Variants in ZNF217 observed in about 807,000 individuals in gnomAD.
ZNF217 encodes zinc finger protein 217.
ZNF217 carries 12 observed loss-of-function variants against 73.3 expected under a neutral mutation model. The ratio of observed to expected loss-of-function variants is 0.16; its 90% CI spans 0.10 to 0.27. The LOEUF (loss-of-function observed/expected upper bound fraction) is 0.27. Ranked by LOEUF, ZNF217 falls within the 10% of genes least tolerant of loss-of-function variation. The pLI is 1.00. For synonymous variants in ZNF217, 588 were observed against 516.4 expected, an observed-to-expected ratio of 1.14 and a Z score of -1.88; for missense variants, 1,195 against 1,327.8, an observed-to-expected ratio of 0.90 and a Z score of 1.55.
intron 4 of ZNF217, chr20:53,572,801 A>C (rs1234608422): frequency 6.6e-6 from 1 of 152,158 alleles, no homozygotes; most frequent in Admixed American, 6.5e-5. Flanking sequence ...AGTTTGACCG[A>C]GTTTGCCAAG....
At chr20:53,583,567 TAA>T (rs1427432800) in intron 1 of ZNF217, among the ~76,000 whole-genome samples, 1 of 152,348 alleles carries the variant, frequency 6.6e-6, no homozygotes, top group African/African-American at 2.4e-5. Flanking sequence ...ATGAAAAAAT[TAA>T]AACACTTTAG....
chr20:53,597,108 A>AG (rs1989055585), upstream of ZNF217, among the ~76,000 whole-genome samples: 3 of 151,802 alleles, frequency 2.0e-5, no homozygotes. Context: ...AAAAAAAAAA[A>AG]AAAAACTTCT....
chr20:53,571,573 T>C (rs1988005530), intron 5 of ZNF217, 148 bp downstream of exon 5: 2 of 1,031,756 alleles, frequency 1.9e-6, no homozygotes, highest in Admixed American at 7.2e-5. Flanking sequence ...CCCAGCTAAA[T>C]TTGTGTATTT....
chr20:53,571,301 TAAAACACC>T (rs1987986446), intron 5 of ZNF217, among the ~76,000 whole-genome samples: 1 of 152,104 alleles, frequency 6.6e-6, no homozygotes, highest in Non-Finnish European at 1.5e-5. Flanking sequence ...ACTCTAATTT[TAAAACACC>T]TAAAAAATCA....
At chr20:53,575,616 T>C (rs1988222072) in intron 4 of ZNF217, 111 bp downstream of exon 4, 1 of 1,091,962 alleles carries the variant, frequency 9.2e-7, no homozygotes, top group South Asian at 1.7e-5. Context: ...CAAGAACTTC[T>C]GGCTGCCTAC....
At chr20:53,572,311 G>A (rs1988046370) in intron 4 of ZNF217, among the ~76,000 whole-genome samples, 1 of 152,046 alleles carries the variant, frequency 6.6e-6, no homozygotes, top group Non-Finnish European at 1.5e-5. Context: ...AGGCTGAGAC[G>A]GAAGGATGGA....
Position 53,582,629 on chromosome 20 carries a change from A to C in ZNF217, c.198T>G (p.Asp66Glu). 1 of 1,614,174 alleles carries C rather than the reference A, an allele frequency of 6.2e-7. No individual in the cohort carries two copies. The highest frequency in any genetic ancestry group is 8.5e-7 in the Non-Finnish European group (1 of 1,180,028). ...TGAAGGTCTGGCTGCAGAACATGCA[A>C]TCCAAGGGCATATACCCCTCGATTT... ...VIQIEGYMPL[D>E]CMFCSQTFTH... The change falls in exon 2 of 6, where the codon GAT becomes GAG. Residue 66 changes from aspartate (D) to glutamate (E), a missense_variant. Around this residue, in one of 9 missense-constraint regions of ZNF217, gnomAD observed 147 missense variants for 184.3 expected, o/e 0.80. Coordinates refer to ENST00000371471, the MANE Select transcript of ZNF217 (RefSeq NM_006526.3). This position sits in a 1 kb window ranked among gnomAD's most constrained non-coding sequence, Gnocchi z 4.8.
In ZNF217 at chr20:53,581,977, C is replaced by T. The variant is rs1014353902; in HGVS notation, c.850G>A (p.Val284Ile). ...GGATCGAGCTGAGGGATGCATCTGA[C>T]AGGCTTCTTCCCCGTTTCAGGGTGA... The part of the protein sequence containing the change: ...KSHPETGKKP[V>I]RCIPQLDPFT... The change falls in exon 2 of 6, where the codon GTC becomes ATC. Residue 284 changes from valine to isoleucine, a missense_variant. By Grantham distance (29) the Val-to-Ile change is conservative (BLOSUM62 3). Transcript: ENST00000371471. The surrounding 1 kb of genome is among the most constrained non-coding windows in gnomAD (Gnocchi z 4.9). 7 of 1,614,234 alleles carry T rather than the reference C, an allele frequency of 4.3e-6. No individual in the cohort carries two copies. Among genetic ancestry groups the T allele is most frequent in the Non-Finnish European group, 5.9e-6 (7 of 1,180,052 alleles).
At chr20:53,572,114 A>G (rs982169060) in intron 4 of ZNF217, among the ~76,000 whole-genome samples, 1 of 152,266 alleles carries the variant, frequency 6.6e-6, no homozygotes, top group Non-Finnish European at 1.5e-5. Context: ...AAAAAATGAC[A>G]TCACAAAATA....
intron 1 of ZNF217, among the ~76,000 whole-genome samples, chr20:53,593,016 T>A (rs1033100608): frequency 7.2e-5 from 11 of 151,830 alleles, no homozygotes; most frequent in African/African-American, 2.4e-4. Context: ...AAAAAAATCT[T>A]TAAAATTAGA....
In ZNF217 at chr20:53,581,678, A is replaced by G. The variant is rs1386510903; in HGVS notation, c.1149T>C (p.Ala383=). ...AGACCAGCTGGTGGTAGGTTCTGAAAGCTTTGCCGCACTCGGAGCAGTGAG... is the reference window on the plus strand; with the variant it reads ...AGACCAGCTGGTGGTAGGTTCTGAAGGCTTTGCCGCACTCGGAGCAGTGAG... ...KPTHCSECGK[A]FRTYHQLVLH... The change falls in exon 2 of 6, where the codon GCT becomes GCC. Residue 383 remains alanine (A), a synonymous_variant. Transcript: ENST00000371471. The surrounding 1 kb of genome is among the most constrained non-coding windows in gnomAD (Gnocchi z 4.9). 5 of 1,614,208 alleles carry G rather than the reference A, an allele frequency of 3.1e-6. No individual in the cohort carries two copies. Among genetic ancestry groups the G allele is most frequent in the Non-Finnish European group, 4.2e-6 (5 of 1,180,032 alleles).
At chr20:53,584,372 G>C (rs892871185) in intron 1 of ZNF217, among the ~76,000 whole-genome samples, 4 of 152,186 alleles carry the variant, frequency 2.6e-5, no homozygotes, top group Admixed American at 2.6e-4. Context: ...AGAAGCCAAG[G>C]AAACATCTCC....
upstream of ZNF217, among the ~76,000 whole-genome samples, chr20:53,597,399 G>C (rs949092469): frequency 6.6e-6 from 1 of 152,146 alleles, no homozygotes; most frequent in African/African-American, 2.4e-5. Flanking sequence ...AAACCTGCCA[G>C]CATCTGCAAA....
chr20:53,579,814 A>G (rs1253356859), intron 2 of ZNF217, among the ~76,000 whole-genome samples: 4 of 152,228 alleles, frequency 2.6e-5, no homozygotes, highest in South Asian at 2.1e-4. Context: ...CAAACAGGGA[A>G]ATAGTAGCAA....
At chr20:53,579,556 T>C (rs1259702137) in intron 2 of ZNF217, among the ~76,000 whole-genome samples, 2 of 152,182 alleles carry the variant, frequency 1.3e-5, no homozygotes, top group Non-Finnish European at 2.9e-5. Context: ...TAACTGGGCG[T>C]TGTTGCAATT....
At chr20:53,577,591 T>C (rs962624972) in intron 3 of ZNF217, among the ~76,000 whole-genome samples, 1 of 152,240 alleles carries the variant, frequency 6.6e-6, no homozygotes, top group African/African-American at 2.4e-5. Context: ...TTAAATAACT[T>C]GCCCAAGGGT....
chr20:53,576,985 T>A lies in ZNF217; in HGVS notation c.1779A>T (p.Ser593=), dbSNP rs767595003. The A allele has an allele frequency of 6.2e-7, 1 of 1,614,182 alleles. No individual in the cohort carries two copies. Among genetic ancestry groups the A allele is most frequent in the Non-Finnish European group, 8.5e-7 (1 of 1,180,036 alleles). The part of the protein sequence containing the change: ...FQNVLGSAVL[S]PAHKDTQDFH... ...AATCCTGAGTATCTTTGTGTGCTGG[T>A]GAGAGGACAGCGCTGCCCAGAACAT... Residue 593 remains serine (S), a synonymous_variant, in exon 4 of 6, where the codon TCA becomes TCT. Transcript: ENST00000371471.
chr20:53,570,123 G>A (rs562698312), intron 5 of ZNF217: 12 of 152,394 alleles, frequency 7.9e-5, no homozygotes, highest in African/African-American at 2.9e-4. Context: ...CTGATCAGTT[G>A]TAATGGATGC....
At chr20:53,588,464 T>G (rs1340344873) in intron 1 of ZNF217, among the ~76,000 whole-genome samples, 1 of 152,040 alleles carries the variant, frequency 6.6e-6, no homozygotes, top group Non-Finnish European at 1.5e-5. Flanking sequence ...TCTGTAAAAA[T>G]TTGACAGGCC....
Sources: gnomAD v4.1 joint callset for allele counts (sites outside exome capture counted in the v4.1 genomes callset) on GRCh38, gnomAD v4.1.1 for gene constraint, gnomAD v4.1.1 regional missense constraint, Gnocchi (gnomAD v3.1) non-coding constraint, MANE v1.5 for transcripts, NCBI Gene and HGNC (gene_info 2026-07-23, HGNC 2026-07-21) for gene names.